The following JAK1 variants were observed in gnomAD, a reference collection of about 807,000 sequenced individuals.
JAK1 encodes Janus kinase 1, also known as tyrosine-protein kinase JAK1.
Under a neutral mutation model 136.6 loss-of-function variants are expected in JAK1, and 16 were observed. The ratio of observed to expected loss-of-function variants is 0.12; its 90% confidence interval spans 0.08 to 0.18. The LOEUF (loss-of-function observed/expected upper bound fraction) is 0.18, where lower values mean the gene tolerates loss of function less well. JAK1 is among the 10% of genes least tolerant of loss of function. The pLI, the probability that JAK1 is intolerant of heterozygous loss-of-function variation, is 1.00. For synonymous variants in JAK1, 492 were observed against 519.5 expected (o/e 0.95, Z 0.72); for missense variants, 859 against 1,450.1 (o/e 0.59, Z 6.62).
intron 1 of JAK1, among the ~76,000 whole-genome samples, chr1:64,893,989 G>C (rs1170825228): frequency 1.3e-5 from 2 of 152,146 alleles, no homozygotes; most frequent in African/African-American, 2.4e-5. Context: ...AGTTCATTTA[G>C]GGCAGACACA....
chr1:64,940,377 C>T (rs1057278846), intron 1 of JAK1, among the ~76,000 whole-genome samples: 7 of 147,626 alleles, frequency 4.7e-5, no homozygotes, highest in Non-Finnish European at 8.9e-5. Flanking sequence ...AGTGCAGTGG[C>T]ACAATCTCCA....
Position 64,844,265 on chromosome 1 carries a change from G to T in JAK1, c.2252-50C>A, listed in dbSNP as rs754667633. ...GGAGCAGTTTCTGGGATCTCCTAGG[G>T]ATTCAATTACTGTCACTGCAGCCAG... is the stretch of plus-strand genomic sequence containing the variant. On this transcript the variant is annotated intron_variant, in intron 16 of 24. Coordinates refer to ENST00000342505, the MANE Select transcript of JAK1 (RefSeq NM_002227.4). This position sits in a 1 kb window ranked among gnomAD's most constrained non-coding sequence, Gnocchi z 5.7. The T allele has an allele frequency of 5.0e-6, 8 of 1,607,188 alleles. No individual in the cohort carries two copies. The South Asian group carries it at 8.8e-5, about 18-fold the overall frequency.
intron 1 of JAK1, among the ~76,000 whole-genome samples, chr1:64,894,745 C>G (rs1644989164): frequency 6.6e-6 from 1 of 152,084 alleles, no homozygotes; most frequent in Non-Finnish European, 1.5e-5. Context: ...CTGCTGCACT[C>G]TAGCCTAGGT....
rs779629502 is a variant in JAK1 at position 64,869,415 on chromosome 1, A to G, written c.543T>C (p.Asp181=). The change falls in exon 6 of 25, where the codon GAT becomes GAC. Residue 181 remains aspartate, a synonymous_variant. Coordinates refer to ENST00000342505, the MANE Select transcript of JAK1 (RefSeq NM_002227.4). The part of the protein sequence containing the change: ...APIRDPKTEQ[D]GHDIENECLG... ...GACACTCGTTCTCAATATCATGTCC[A>G]TCCTGCTCGGTCTTGGGGTCTCGAA... 6.2e-7 allele frequency: 1 copy of G among 1,613,746 alleles called. No homozygotes were observed. The highest frequency in any genetic ancestry group is 1.3e-5 in the African/African-American group (1 of 74,862).
chr1:64,993,466 A>T (rs1301951088), intron 2 of JAK1: 1 of 152,184 alleles, frequency 6.6e-6, no homozygotes, highest in Non-Finnish European at 1.5e-5. Context: ...TTAGCCTGTT[A>T]GTTACCTAAC....
rs1656035021 is a variant in JAK1 at position 64,857,766 on chromosome 1, T to C, written c.1348A>G (p.Ile450Val). The change falls in exon 10 of 25, where the codon ATC (isoleucine) becomes GTC (valine). Residue 450 changes from isoleucine to valine, a missense_variant. Around this residue, in one of 4 missense-constraint regions of JAK1, gnomAD observed 409 missense variants for 753.8 expected, o/e 0.54. Transcript: ENST00000342505. ...CHGPICTEYA[I>V]NKLRQEGSEE... The stretch of plus-strand genomic sequence containing the variant: ...CTTCCTTCTTGCCGCAATTTATTGA[T>C]GGCGTATTCTGTACTAGAGGGAGAA... The C allele has an allele frequency of 6.2e-7, 1 of 1,614,080 alleles. No individual in the cohort carries two copies. Among genetic ancestry groups the C allele is most frequent in the South Asian group, 1.1e-5 (1 of 91,086 alleles).
chr1:65,063,719 C>T (rs1341378536), intron 1 of JAK1, among the ~76,000 whole-genome samples: 1 of 148,832 alleles, frequency 6.7e-6, no homozygotes, highest in East Asian at 2.0e-4. Flanking sequence ...ACAAGAGGAT[C>T]GCTTGAACCT....
At chr1:65,052,897 G>T (rs1049617953) in intron 1 of JAK1, among the ~76,000 whole-genome samples, 2 of 150,654 alleles carry the variant, frequency 1.3e-5, no homozygotes, top group African/African-American at 4.9e-5. Context: ...CAAGCATGGC[G>T]GCGCATGCCT....
chr1:64,954,545 C>G (rs144235255), intron 1 of JAK1, among the ~76,000 whole-genome samples: 1 of 152,156 alleles, frequency 6.6e-6, no homozygotes, highest in African/African-American at 2.4e-5. Flanking sequence ...CATATTGTCC[C>G]AAAGCCTTTT....
At chr1:64,963,072 G>A (rs1231976730) in intron 1 of JAK1, among the ~76,000 whole-genome samples, 4 of 152,016 alleles carry the variant, frequency 2.6e-5, no homozygotes, top group Non-Finnish European at 5.9e-5. Flanking sequence ...ACACCATCTC[G>A]AAAAATAAAA....
Position 65,019,384 on chromosome 1 carries a change from T to G in JAK1, c.-78+25096A>C, listed in dbSNP as rs142406359. On this transcript the variant is annotated intron_variant, in intron 2 of 25. Coordinates refer to the JAK1 transcript ENST00000671954. ...CAAGTGTATCCTAGGAATACAAAAT[T>G]GGTTTAATATTTGAAAATGAAACAA... Among the ~76,000 whole-genome samples the G allele has an allele frequency of 8.6e-4, 131 of 152,022 alleles. No homozygotes were observed. The East Asian group carries it at 0.021, about 24-fold the overall frequency.
chr1:65,024,601 A>G (rs1441414540), intron 2 of JAK1, among the ~76,000 whole-genome samples: 1 of 149,710 alleles, frequency 6.7e-6, no homozygotes, highest in Non-Finnish European at 1.5e-5. Context: ...AACTTGTTGT[A>G]TCACAGAACT....
rs565807438 is a variant in JAK1, at chr1:64,833,744, G to GAGTT, written c.*814_*817dup. 235 of 233,156 alleles carry GAGTT rather than the reference G, an allele frequency of 1.0e-3. No homozygotes were observed. The highest frequency in any genetic ancestry group is 4.9e-3 in the African/African-American group (223 of 45,476). 14.4% of individuals were successfully genotyped at this position (233,156 alleles called of 1,614,324 possible). A position where few individuals can be genotyped will look rare whatever the true frequency, so the allele number is the denominator to read the frequency against. ...TGGAATAGCTTGCCCCAAAGTGGTA[G>GAGTT]AGTTATAAAAGGATATACATTGACG... On this transcript the variant is annotated 3_prime_UTR_variant, in exon 25 of 25. Transcript: ENST00000342505.
chr1:64,934,079 G>C (rs1165722266), intron 1 of JAK1, among the ~76,000 whole-genome samples: 1 of 152,212 alleles, frequency 6.6e-6, no homozygotes, highest in East Asian at 1.9e-4. Flanking sequence ...AAAGATAAGT[G>C]CTGACCAAAA....
At chr1:64,853,460 G>A (rs1655726428) in intron 11 of JAK1, among the ~76,000 whole-genome samples, 1 of 152,100 alleles carries the variant, frequency 6.6e-6, no homozygotes, top group African/African-American at 2.4e-5. Flanking sequence ...TGTATAATTG[G>A]GATAACAACA....
chr1:65,037,688 C>A (rs976566841), intron 2 of JAK1, among the ~76,000 whole-genome samples: 2 of 152,028 alleles, frequency 1.3e-5, no homozygotes, highest in Non-Finnish European at 2.9e-5. Context: ...CATAGAAAGA[C>A]CCCATCTCTA....
At chr1:64,931,965 G>T (rs1415851233) in intron 1 of JAK1, among the ~76,000 whole-genome samples, 1 of 151,786 alleles carries the variant, frequency 6.6e-6, no homozygotes, top group Admixed American at 6.6e-5. Flanking sequence ...GAGGGGGGGG[G>T]ATATTCAATC....
At chr1:64,949,597 T>C (rs996954552) in intron 1 of JAK1, among the ~76,000 whole-genome samples, 8 of 152,386 alleles carry the variant, frequency 5.2e-5, no homozygotes, top group African/African-American at 1.9e-4. Context: ...AAACTGTATC[T>C]GCCTTTATGA....
upstream of JAK1, among the ~76,000 whole-genome samples, chr1:64,970,302 A>T (rs1646439805): frequency 1.3e-5 from 2 of 151,476 alleles, no homozygotes; most frequent in Admixed American, 1.3e-4. Flanking sequence ...TTAGTTGGGC[A>T]TGGTGGTGGG....
Sources: gnomAD v4.1 joint callset for allele counts (sites outside exome capture counted in the v4.1 genomes callset) on GRCh38, gnomAD v4.1.1 for gene constraint, gnomAD v4.1.1 regional missense constraint, Gnocchi (gnomAD v3.1) non-coding constraint, MANE v1.5 for transcripts, NCBI Gene and HGNC (gene_info 2026-07-23, HGNC 2026-07-21) for gene names.